The following HS3ST3A1 variants were observed in gnomAD, a reference collection of about 807,000 sequenced individuals.
The protein encoded by HS3ST3A1 is heparan sulfate-glucosamine 3-sulfotransferase 3A1.
HS3ST3A1 carries 19 observed loss-of-function variants against 25.7 expected under a neutral mutation model. The observed-to-expected ratio is 0.74, with a 90% CI of 0.52 to 1.08. HS3ST3A1 has a LOEUF of 1.08. Among genes scored for constraint, HS3ST3A1 ranks in the 50% least tolerant of loss-of-function variants. The pLI is 0.00. For synonymous variants in HS3ST3A1, 226 were observed against 278.6 expected, an observed-to-expected ratio of 0.81 and a Z score of 1.88; for missense variants, 459 against 594.3, an observed-to-expected ratio of 0.77 and a Z score of 2.37.
intron 1 of HS3ST3A1, among the ~76,000 whole-genome samples, chr17:13,589,870 T>A (rs1365099069): frequency 6.6e-6 from 1 of 152,194 alleles, no homozygotes; most frequent in Non-Finnish European, 1.5e-5. Context: ...CCAGTTCCCT[T>A]TTGTTAAATA....
chr17:13,600,800 C>T lies in HS3ST3A1; in HGVS notation c.330G>A (p.Glu110=), dbSNP rs1160432586. 7.0e-7 allele frequency: 1 copy of T among 1,423,358 alleles called. No individual in the cohort carries two copies. The highest frequency in any genetic ancestry group is 1.5e-5 in the African/African-American group (1 of 66,086). 88.2% of individuals were successfully genotyped at this position (1,423,358 alleles called of 1,614,324 possible). A position where few individuals can be genotyped will look rare whatever the true frequency, so the allele number is the denominator to read the frequency against. ...CAGGGGACTCTTCTTCCCAGGCCGCCTCCTCGCCGTCGTCGCGGGGCGCGG... is the reference window on the plus strand; with the variant it reads ...CAGGGGACTCTTCTTCCCAGGCCGCTTCCTCGCCGTCGTCGCGGGGCGCGG... ...RPPAPRDDGE[E]AAWEEESPGL... is the part of the protein sequence containing the mutation. The change falls in exon 1 of 2, where the codon GAG becomes GAA. Residue 110 remains glutamate (E), a synonymous_variant. Coordinates refer to ENST00000284110, the MANE Select transcript of HS3ST3A1 (RefSeq NM_006042.3).
rs565664870 is a variant in HS3ST3A1, at chr17:13,568,237, T to C, written c.599+32294A>G. 2.0e-5 allele frequency among the ~76,000 whole-genome samples: 3 copies of C among 152,364 alleles called. No homozygotes were observed. The South Asian group carries it at 6.2e-4, about 32-fold the overall frequency. ...TAAAGTATTTTTAAACTAAGGTATG[T>C]ACTTTTTTAGACATAATTACATAGC... On this transcript the variant is annotated intron_variant, in intron 1 of 1. Coordinates refer to ENST00000284110, the MANE Select transcript of HS3ST3A1 (RefSeq NM_006042.3).
At chr17:13,530,270 T>C (rs1297572973) in intron 1 of HS3ST3A1, among the ~76,000 whole-genome samples, 1 of 152,234 alleles carries the variant, frequency 6.6e-6, no homozygotes, top group East Asian at 1.9e-4. Context: ...ATTTGAGGTA[T>C]AAATGATGTC....
chr17:13,540,210 C>T (rs1383996580), intron 1 of HS3ST3A1, among the ~76,000 whole-genome samples: 1 of 152,200 alleles, frequency 6.6e-6, no homozygotes, highest in African/African-American at 2.4e-5. Context: ...CTTCAAGCAA[C>T]AATCTATAAT....
chr17:13,540,721 G>A (rs1906908013), intron 1 of HS3ST3A1, among the ~76,000 whole-genome samples: 1 of 152,200 alleles, frequency 6.6e-6, no homozygotes, highest in African/African-American at 2.4e-5. Flanking sequence ...GAACTTCACT[G>A]TAGAACAAGA....
chr17:13,529,847 G>T (rs1906547458), intron 1 of HS3ST3A1, among the ~76,000 whole-genome samples: 2 of 151,768 alleles, frequency 1.3e-5, no homozygotes, highest in South Asian at 4.2e-4. Context: ...TGAGAGGATG[G>T]CTAAGCAGGT....
At chr17:13,545,165 T>C (rs1188570336) in intron 1 of HS3ST3A1, among the ~76,000 whole-genome samples, 1 of 152,228 alleles carries the variant, frequency 6.6e-6, no homozygotes, top group African/African-American at 2.4e-5. Flanking sequence ...GGCTGGTGTC[T>C]GACAACTACC....
chr17:13,570,412 C>T (rs890599899), intron 1 of HS3ST3A1, among the ~76,000 whole-genome samples: 3 of 152,012 alleles, frequency 2.0e-5, no homozygotes, highest in African/African-American at 4.8e-5. Context: ...TCACCTTATA[C>T]GGTTTTGAAA....
intron 1 of HS3ST3A1, among the ~76,000 whole-genome samples, chr17:13,540,587 A>T (rs1906903170): frequency 6.6e-6 from 1 of 152,232 alleles, no homozygotes; most frequent in Non-Finnish European, 1.5e-5. Context: ...TGTTTCTTTC[A>T]TCTCTGCATT....
At chr17:13,557,451 T>A (rs961720725) in intron 1 of HS3ST3A1, among the ~76,000 whole-genome samples, 1 of 129,358 alleles carries the variant, frequency 7.7e-6, no homozygotes, top group Non-Finnish European at 1.6e-5. Flanking sequence ...AAAAAGAAGA[T>A]TTGTAACAAC....
intron 1 of HS3ST3A1, among the ~76,000 whole-genome samples, chr17:13,592,753 A>G (rs1353950033): frequency 6.6e-6 from 1 of 152,144 alleles, no homozygotes; most frequent in Non-Finnish European, 1.5e-5. Flanking sequence ...AAAATATCAG[A>G]GGAAATGTTC....
At chr17:13,516,600 T>C (rs1906062342) in intron 1 of HS3ST3A1, among the ~76,000 whole-genome samples, 1 of 152,220 alleles carries the variant, frequency 6.6e-6, no homozygotes, top group African/African-American at 2.4e-5. Context: ...CGCTTCTTGT[T>C]GAGATTATTT....
chr17:13,546,588 G>A (rs1044448506), intron 1 of HS3ST3A1, among the ~76,000 whole-genome samples: 102 of 152,280 alleles, frequency 6.7e-4, no homozygotes, highest in African/African-American at 2.4e-3. Flanking sequence ...CTTAATTGCC[G>A]TTATCTTGCA....
At chr17:13,586,560 A>G (rs1908271734) in intron 1 of HS3ST3A1, among the ~76,000 whole-genome samples, 2 of 152,062 alleles carry the variant, frequency 1.3e-5, no homozygotes, top group African/African-American at 4.8e-5. Flanking sequence ...AATCTGCTGC[A>G]AGTGTAAAAT....
intron 1 of HS3ST3A1, among the ~76,000 whole-genome samples, chr17:13,535,028 A>AAAATAAAT (rs71312976): frequency 0.26 from 39,208 of 149,298 alleles, 5,768 homozygotes; most frequent in African/African-American, 0.4. Context: ...CTCCATCTCA[A>AAAATAAAT]AAATAAATAA....
intron 1 of HS3ST3A1, among the ~76,000 whole-genome samples, chr17:13,567,919 G>A (rs1202903576): frequency 6.6e-6 from 1 of 152,220 alleles, no homozygotes; most frequent in Non-Finnish European, 1.5e-5. Context: ...AGATAAAACA[G>A]CAGCAGGATT....
chr17:13,577,028 A>C (rs190840549), intron 1 of HS3ST3A1, among the ~76,000 whole-genome samples: 48 of 152,342 alleles, frequency 3.2e-4, no homozygotes, highest in African/African-American at 1.1e-3. Context: ...AGGCAAAGGA[A>C]GAGCAAAGGC....
intron 1 of HS3ST3A1, among the ~76,000 whole-genome samples, chr17:13,534,655 G>A (rs890775319): frequency 1.3e-4 from 19 of 151,714 alleles, no homozygotes; most frequent in Non-Finnish European, 2.2e-4. Context: ...TGCAGCCCAG[G>A]GAGATCAAGG....
In HS3ST3A1 at chr17:13,600,883, C is replaced by T. The variant is rs1458076075; in HGVS notation, c.247G>A (p.Ala83Thr). The change falls in exon 1 of 2, where the codon GCG becomes ACG. Residue 83 changes from alanine to threonine, a missense_variant. By Grantham distance (58) the Ala-to-Thr change is moderately conservative. Transcript: ENST00000284110. ...GGPRELAVWP[A>T]AAQRKRLLQL... Reference sequence around the variant, plus strand: ...AGGAGGCGCTTTCTCTGTGCCGCCGCCGGCCACACCGCCAGCTCCCTCGGG... The same window carrying T: ...AGGAGGCGCTTTCTCTGTGCCGCCGTCGGCCACACCGCCAGCTCCCTCGGG... 6.8e-7 allele frequency: 1 copy of T among 1,474,672 alleles called. No homozygotes were observed. Among genetic ancestry groups the T allele is most frequent in the Non-Finnish European group, 8.9e-7 (1 of 1,120,454 alleles). The allele number at this position is 1,474,672 out of a possible 1,614,324, so 91.3% of individuals were successfully genotyped here.
Sources: allele counts gnomAD v4.1 joint callset (sites outside exome capture counted in the v4.1 genomes callset), GRCh38; gene constraint gnomAD v4.1.1; transcripts MANE v1.5; gene names NCBI Gene and HGNC (gene_info 2026-07-23, HGNC 2026-07-21).